Variants in SOX6 observed in about 807,000 individuals in gnomAD.
The protein encoded by SOX6 is SRY-box transcription factor 6, also known as transcription factor SOX-6.
In SOX6, 11 loss-of-function variants were observed where a neutral mutation model predicts 97.8. The observed-to-expected ratio is 0.11, with a 90% CI of 0.07 to 0.19. The LOEUF is 0.19. SOX6 is among the 10% of genes least tolerant of loss of function. The probability of loss-of-function intolerance (pLI) is 1.00; values close to 1 mark genes in which losing one functional copy is unlikely to be tolerated. For synonymous variants in SOX6, 360 were observed against 371.4 expected, an observed-to-expected ratio of 0.97 and a Z score of 0.35; for missense variants, 810 against 1,039.5, an observed-to-expected ratio of 0.78 and a Z score of 3.04.
At chr11:16,497,534 G>T (rs766984850) in intron 4 of SOX6, among the ~76,000 whole-genome samples, 1 of 152,092 alleles carries the variant, frequency 6.6e-6, no homozygotes, top group Non-Finnish European at 1.5e-5. Context: ...AAAGGAGGAA[G>T]TTCAAACCCA....
intron 1 of SOX6, among the ~76,000 whole-genome samples, chr11:16,403,333 T>C (rs1479587384): frequency 1.3e-5 from 2 of 151,716 alleles, no homozygotes; most frequent in African/African-American, 4.8e-5. Flanking sequence ...CAACCTATTG[T>C]TGTGGACTTG....
chr11:15,973,060 C>T lies in SOX6; in HGVS notation c.2236G>A (p.Ala746Thr). 6.2e-7 allele frequency: 1 copy of T among 1,614,128 alleles called. No homozygotes were observed. The highest frequency in any genetic ancestry group is 1.3e-5 in the African/African-American group (1 of 75,048). Residue 746 changes from alanine (A) to threonine (T), a missense_variant, in exon 16 of 16, where the codon GCT becomes ACT. This residue lies in a region of SOX6 where 122 missense variants were observed against 153.4 expected (regional missense o/e 0.80). Coordinates refer to ENST00000683767, the MANE Select transcript of SOX6 (RefSeq NM_001367873.1). ...GGTGTGGTAGTTGCCATAGTGATAG[C>T]ACCAGGATACACAACACCTGTTCCT... ...TTGTGVVYPG[A>T]ITMATTTPSP... is the part of the protein sequence containing the mutation.
intron 3 of SOX6, among the ~76,000 whole-genome samples, chr11:16,625,141 A>G (rs1420069582): frequency 2.0e-5 from 3 of 152,172 alleles, no homozygotes; most frequent in African/African-American, 7.2e-5. Context: ...AGTCCACATT[A>G]TTAGTTTTTT....
chr11:16,581,363 C>T (rs1848030698), intron 4 of SOX6, among the ~76,000 whole-genome samples: 1 of 152,128 alleles, frequency 6.6e-6, no homozygotes, highest in Admixed American at 6.5e-5. Flanking sequence ...AAACCAAACA[C>T]TACATGTCCC....
At position 15,966,835 on chromosome 11, in the gene SOX6, C is replaced by G. The variant is rs1434808067; in HGVS notation, c.*5974G>C. ...TGTTGAGCTTTATCTCACGTCAATA[C>G]TGCACAACAAAATCCAAGAAGTTTG... On this transcript the variant is annotated 3_prime_UTR_variant, in exon 16 of 16. Transcript: ENST00000683767. 5 of 152,218 alleles carry G rather than the reference C, an allele frequency of 3.3e-5. No homozygotes were observed. Among genetic ancestry groups the G allele is most frequent in the African/African-American group, 1.2e-4 (5 of 41,454 alleles). The allele number at this position is 152,218 out of a possible 1,614,324, so 9.4% of individuals were successfully genotyped here. A position where few individuals can be genotyped will look rare whatever the true frequency, so the allele number is the denominator to read the frequency against.
chr11:16,472,945 A>G (rs1034616164), intron 1 of SOX6, among the ~76,000 whole-genome samples: 2 of 152,208 alleles, frequency 1.3e-5, no homozygotes, highest in African/African-American at 4.8e-5. Flanking sequence ...ACAACAATGT[A>G]TACATACACA....
chr11:16,524,066 C>A (rs1343292892), intron 4 of SOX6, among the ~76,000 whole-genome samples: 1 of 152,188 alleles, frequency 6.6e-6, no homozygotes, highest in African/African-American at 2.4e-5. Context: ...GGAACTGGTA[C>A]CATTCCTTCT....
rs911475671 is a variant in SOX6 at position 15,968,123 on chromosome 11, G to A, written c.*4686C>T. On this transcript the variant is annotated 3_prime_UTR_variant, in exon 16 of 16. Coordinates refer to ENST00000683767, the MANE Select transcript of SOX6 (RefSeq NM_001367873.1). Reference sequence around the variant, plus strand: ...ATAACAGACAGAAGTTGTTTATTAGGGAAGAAAACATGTCAGGGAGCAGAT... The same window carrying A: ...ATAACAGACAGAAGTTGTTTATTAGAGAAGAAAACATGTCAGGGAGCAGAT... 6.6e-6 allele frequency: 1 copy of A among 152,168 alleles called. No homozygotes were observed. Among genetic ancestry groups the A allele is most frequent in the Non-Finnish European group, 1.5e-5 (1 of 68,044 alleles). 9.4% of individuals were successfully genotyped at this position (152,168 alleles called of 1,614,324 possible). A position where few individuals can be genotyped will look rare whatever the true frequency, so the allele number is the denominator to read the frequency against.
intron 9 of SOX6, among the ~76,000 whole-genome samples, chr11:16,079,089 T>C (rs1462020568): frequency 6.6e-6 from 1 of 152,138 alleles, no homozygotes; most frequent in Non-Finnish European, 1.5e-5. Flanking sequence ...CCCTCAGCAA[T>C]ACCCACATAA....
At chr11:16,524,617 G>A (rs1276845296) in intron 4 of SOX6, among the ~76,000 whole-genome samples, 1 of 151,118 alleles carries the variant, frequency 6.6e-6, no homozygotes, top group Non-Finnish European at 1.5e-5. Flanking sequence ...ACATAGTGTT[G>A]GAAGTTCTGG....
At chr11:16,583,593 G>A (rs11601817) in intron 4 of SOX6, among the ~76,000 whole-genome samples, 29 of 89,530 alleles carry the variant, frequency 3.2e-4, no homozygotes, top group East Asian at 1.8e-3. Flanking sequence ...ATATATATAT[G>A]TATATATGTG....
upstream of SOX6, among the ~76,000 whole-genome samples, chr11:16,359,959 T>C (rs998991569): frequency 1.3e-5 from 2 of 152,192 alleles, no homozygotes; most frequent in African/African-American, 4.8e-5. Context: ...GTAATTTGAC[T>C]ATGGTTACAA....
In SOX6 at chr11:16,077,600, T is replaced by G. The variant is rs549526923; in HGVS notation, c.1101+18396A>C. ...GACTTGATAAAGAAAATGTGGTACA[T>G]AGACACCATGAAACACTATGCAGCC... On this transcript the variant is annotated intron_variant, in intron 9 of 15. Transcript: ENST00000683767. Among the ~76,000 whole-genome samples, 309 of 152,280 alleles carry G rather than the reference T, an allele frequency of 2.0e-3. 1 individual carries two copies. The highest frequency in any genetic ancestry group is 7.1e-3 in the African/African-American group (295 of 41,560).
chr11:16,058,891 C>T (rs1362508822), intron 9 of SOX6, among the ~76,000 whole-genome samples: 2 of 152,022 alleles, frequency 1.3e-5, no homozygotes, highest in Non-Finnish European at 2.9e-5. Context: ...ATGGTAGTTA[C>T]CAGGTTGCAT....
chr11:16,188,099 G>A (rs1432216930), intron 4 of SOX6, among the ~76,000 whole-genome samples: 1 of 151,856 alleles, frequency 6.6e-6, no homozygotes, highest in African/African-American at 2.4e-5. Context: ...TAGCCCAAAG[G>A]AGAAAGAGAA....
At chr11:16,397,372 T>A (rs954446019) in intron 1 of SOX6, 2 of 152,044 alleles carry the variant, frequency 1.3e-5, no homozygotes, top group African/African-American at 4.8e-5. Context: ...AAATTCATCT[T>A]AGACTTAATT....
chr11:16,328,201 C>CCTAAAGAAAG (rs2134319217), intron 2 of SOX6, among the ~76,000 whole-genome samples: 1 of 152,186 alleles, frequency 6.6e-6, no homozygotes, highest in Admixed American at 6.6e-5. Flanking sequence ...AAAGCCCAAA[C>CCTAAAGAAAG]CCTAAAATAG....
Position 16,401,072 on chromosome 11 carries a change from T to A in SOX6, c.-4-59820A>T, listed in dbSNP as rs541925027. 3.3e-5 allele frequency among the ~76,000 whole-genome samples: 5 copies of A among 151,692 alleles called. No homozygotes were observed. The South Asian group carries it at 1.0e-3, about 31-fold the overall frequency. ...ATTGCATTTTTCAATTATATACCAA[T>A]TTTTATGTCTCATAACACCTAATGA... is the stretch of plus-strand genomic sequence containing the variant. On this transcript the variant is annotated intron_variant, in intron 1 of 15. Transcript: ENST00000396356.
intron 1 of SOX6, among the ~76,000 whole-genome samples, chr11:16,418,382 A>G (rs1165382462): frequency 6.6e-6 from 1 of 152,210 alleles, no homozygotes; most frequent in African/African-American, 2.4e-5. Flanking sequence ...TTTAAGATCA[A>G]GGATTTTTTA....
Sources: allele counts gnomAD v4.1 joint callset (sites outside exome capture counted in the v4.1 genomes callset), GRCh38; gene constraint gnomAD v4.1.1; regional missense constraint gnomAD v4.1.1; transcripts MANE v1.5; gene names NCBI Gene and HGNC (gene_info 2026-07-23, HGNC 2026-07-21).